Variants in TSPAN3 observed in about 807,000 individuals in gnomAD.
TSPAN3 encodes the protein tetraspanin 3.
In TSPAN3, 9 loss-of-function variants were observed where a neutral mutation model predicts 31.1. The ratio of observed to expected loss-of-function variants is 0.29; its 90% CI spans 0.17 to 0.50. The LOEUF (loss-of-function observed/expected upper bound fraction) is 0.50. Ranked by LOEUF, TSPAN3 falls within the 20% of genes least tolerant of loss-of-function variation. The pLI, the probability that TSPAN3 is intolerant of heterozygous loss-of-function variation, is 0.98. For synonymous variants in TSPAN3, 129 were observed against 114.3 expected, an observed-to-expected ratio of 1.13 and a Z score of -0.82; for missense variants, 252 against 313.5, an observed-to-expected ratio of 0.80 and a Z score of 1.48.
chr15:77,069,749 C>T (rs116451831), intron 1 of TSPAN3: 2,492 of 152,190 alleles, frequency 0.016, 55 homozygotes, highest in East Asian at 0.066. Flanking sequence ...AACAGGTGTG[C>T]GTATGCGTGG....
intron 6 of TSPAN3, among the ~76,000 whole-genome samples, chr15:77,051,121 A>G (rs1351192195): frequency 6.6e-6 from 1 of 152,092 alleles, no homozygotes; most frequent in African/African-American, 2.4e-5. Context: ...GCTGGTCTCA[A>G]ACTCCTAACA....
At chr15:77,052,507 TA>T in intron 5 of TSPAN3, 39 bp from the exon 6 acceptor site, 1 of 1,590,852 alleles carries the variant, frequency 6.3e-7, no homozygotes, top group Non-Finnish European at 8.6e-7. Flanking sequence ...AAGTGTTCTT[TA>T]AAAGTTAAAG....
Position 77,052,884 on chromosome 15 carries a change from C to T in TSPAN3, c.478G>A (p.Asp160Asn). Residue 160 changes from aspartate (D) to asparagine (N), a missense_variant, in exon 5 of 7, where the codon GAT becomes AAT. Coordinates refer to ENST00000267970, the MANE Select transcript of TSPAN3 (RefSeq NM_005724.6). ...IHNYSDWENT[D>N]WFKETKNQSV... ...TGGTTTTTGGTTTCTTTGAACCAAT[C>T]TGTATTTTCCCAGTCTGAGTAGTTG... The T allele has an allele frequency of 6.2e-7, 1 of 1,614,022 alleles. No individual in the cohort carries two copies.
chr15:77,054,544 C>G (rs1192369240), intron 3 of TSPAN3: 2 of 231,480 alleles, frequency 8.6e-6, no homozygotes, highest in Non-Finnish European at 1.7e-5. Flanking sequence ...GGCAGGCTAA[C>G]AATGTATTCA....
At position 77,070,916 on chromosome 15, in the gene TSPAN3, C is replaced by A; in HGVS notation, c.39G>T (p.Leu13=). The change falls in exon 1 of 7, where the codon CTG becomes CTT. Residue 13 remains leucine, a synonymous_variant. Transcript: ENST00000267970. ...CCCAGAAGATGAGGTTGAGAAAGAC[C>A]AGCACGGTCTTGGAGGAGGTGATGC... The part of the protein sequence containing the change: ...QCGITSSKTV[L]VFLNLIFWGA... The A allele has an allele frequency of 7.0e-7, 1 of 1,434,104 alleles. No homozygotes were observed. The highest frequency in any genetic ancestry group is 9.2e-7 in the Non-Finnish European group (1 of 1,084,490). 88.8% of individuals were successfully genotyped at this position (1,434,104 alleles called of 1,614,324 possible).
chr15:77,061,857 A>G (rs2076802706), intron 1 of TSPAN3, among the ~76,000 whole-genome samples: 1 of 152,220 alleles, frequency 6.6e-6, no homozygotes, highest in Non-Finnish European at 1.5e-5. Flanking sequence ...CACCATCTGG[A>G]CTTTATTCAC....
chr15:77,053,356 G>C (rs548382218), intron 4 of TSPAN3, among the ~76,000 whole-genome samples: 1 of 147,682 alleles, frequency 6.8e-6, no homozygotes, highest in Non-Finnish European at 1.5e-5. Context: ...GCTGAGGCAG[G>C]AGAATCACTT....
chr15:77,053,163 G>C (rs949792341), intron 4 of TSPAN3, among the ~76,000 whole-genome samples: 49 of 152,018 alleles, frequency 3.2e-4, no homozygotes, highest in African/African-American at 1.2e-3. Context: ...AATGTAAACA[G>C]CCAGACATGG....
chr15:77,050,613 A>C (rs1047121183), intron 6 of TSPAN3, among the ~76,000 whole-genome samples: 4 of 152,240 alleles, frequency 2.6e-5, no homozygotes, highest in Admixed American at 6.5e-5. Context: ...ATACAGTTCC[A>C]AAACTTTTTT....
In TSPAN3 at chr15:77,056,112, T is replaced by C. The variant is rs2076767392; in HGVS notation, c.207A>G (p.Leu69=). ...AVGALLFIIG[L]IGCCATIRES... ...CCCGGATTGTGGCACAGCAGCCAAT[T>C]AGCCCAATGATGAAAAGCAGGGCTC... The change falls in exon 2 of 7, where the codon CTA becomes CTG. Residue 69 remains leucine (L), a synonymous_variant. Transcript: ENST00000267970. 1.9e-6 allele frequency: 3 copies of C among 1,612,314 alleles called. No individual in the cohort carries two copies. The East Asian group carries it at 6.7e-5, about 36-fold the overall frequency.
chr15:77,071,013 C>T lies in TSPAN3; in HGVS notation c.-59G>A. ...AGCGGGGCTGCGCTCACCGAGAGAG[C>T]GGCAATGGCGGCGGCGCCTCCTCGC... On this transcript the variant is annotated 5_prime_UTR_variant, in exon 1 of 7. Coordinates refer to ENST00000267970, the MANE Select transcript of TSPAN3 (RefSeq NM_005724.6). 1.6e-6 allele frequency: 2 copies of T among 1,245,368 alleles called. No individual in the cohort carries two copies. The highest frequency in any genetic ancestry group is 1.0e-6 in the Non-Finnish European group (1 of 959,478). 77.1% of individuals were successfully genotyped at this position (1,245,368 alleles called of 1,614,324 possible). A position where few individuals can be genotyped will look rare whatever the true frequency, so the allele number is the denominator to read the frequency against.
intron 1 of TSPAN3, among the ~76,000 whole-genome samples, chr15:77,059,232 G>A (rs1333284543): frequency 2.0e-5 from 3 of 152,004 alleles, no homozygotes; most frequent in Non-Finnish European, 4.4e-5. Context: ...ACAGGCGCCC[G>A]CCACTACACC....
intron 1 of TSPAN3, among the ~76,000 whole-genome samples, chr15:77,062,086 T>C (rs2076804255): frequency 6.6e-6 from 1 of 152,164 alleles, no homozygotes; most frequent in African/African-American, 2.4e-5. Context: ...CAGGAATCCA[T>C]CTTATGCATA....
At chr15:77,065,262 T>G (rs2076825257) in intron 1 of TSPAN3, among the ~76,000 whole-genome samples, 1 of 152,182 alleles carries the variant, frequency 6.6e-6, no homozygotes, top group South Asian at 2.1e-4. Context: ...TTGTGTGTCT[T>G]GCTTCACCGG....
intron 1 of TSPAN3, chr15:77,063,363 C>G (rs2076811592): frequency 6.6e-6 from 1 of 151,810 alleles, no homozygotes; most frequent in Non-Finnish European, 1.5e-5. Context: ...TAACTCACCA[C>G]TATACTAATG....
intron 1 of TSPAN3, among the ~76,000 whole-genome samples, chr15:77,057,929 A>C (rs762659165): frequency 3.9e-5 from 6 of 152,092 alleles, no homozygotes; most frequent in Non-Finnish European, 7.4e-5. Flanking sequence ...CAGCCCATCT[A>C]ATCTTCCCTT....
intron 1 of TSPAN3, among the ~76,000 whole-genome samples, chr15:77,069,328 T>A (rs1035215258): frequency 6.6e-6 from 1 of 152,228 alleles, no homozygotes; most frequent in African/African-American, 2.4e-5. Flanking sequence ...GATGCCCTTA[T>A]AATGGTCAGA....
intron 6 of TSPAN3, among the ~76,000 whole-genome samples, chr15:77,051,802 G>A (rs2076733014): frequency 6.6e-6 from 1 of 152,150 alleles, no homozygotes; most frequent in Non-Finnish European, 1.5e-5. Flanking sequence ...AAGTTACAGT[G>A]AGCTATTATC....
chr15:77,070,583 G>C (rs1442731844), intron 1 of TSPAN3, among the ~76,000 whole-genome samples: 1 of 93,198 alleles, frequency 1.1e-5, no homozygotes, highest in South Asian at 3.2e-4. Flanking sequence ...CGGCGACTCC[G>C]GGGGGGGGAG....
Sources: allele counts gnomAD v4.1 joint callset (sites outside exome capture counted in the v4.1 genomes callset), GRCh38; gene constraint gnomAD v4.1.1; transcripts MANE v1.5; gene names NCBI Gene and HGNC (gene_info 2026-07-23, HGNC 2026-07-21).